SH3GL3: variants seen among roughly 807,000 people sequenced by gnomAD.
The protein encoded by SH3GL3 is endophilin-A3.
Under a neutral mutation model 47.7 loss-of-function variants are expected in SH3GL3, and 33 were observed. The observed-to-expected ratio is 0.69, with a 90% confidence interval of 0.52 to 0.92. SH3GL3 has a LOEUF of 0.92. Ranked by LOEUF, SH3GL3 falls within the 40% of genes least tolerant of loss-of-function variation. SH3GL3 has a pLI of 0.00. For missense variants in SH3GL3, 363 were observed against 417.8 expected (o/e 0.87, Z 1.14); for synonymous variants, 155 against 148.8 (o/e 1.04, Z -0.30).
At chr15:83,596,896 C>T (rs1192795158) in intron 8 of SH3GL3, among the ~76,000 whole-genome samples, 1 of 152,120 alleles carries the variant, frequency 6.6e-6, no homozygotes, top group Non-Finnish European at 1.5e-5. Flanking sequence ...GTCTTTTCCT[C>T]CTTGCTCTCT....
chr15:83,476,931 C>G lies in SH3GL3; in HGVS notation c.45+29353C>G, dbSNP rs150296685. 8.5e-5 allele frequency among the ~76,000 whole-genome samples: 13 copies of G among 152,324 alleles called. No homozygotes were observed. The East Asian group carries it at 2.5e-3, about 29-fold the overall frequency. ...TGTCTGAATATGCAGTTTGGTTGTG[C>G]ATTTTTGGAGGATCCCCAATGCTCA... On this transcript the variant is annotated intron_variant, in intron 1 of 8. Coordinates refer to ENST00000427482, the MANE Select transcript of SH3GL3 (RefSeq NM_003027.5).
chr15:83,526,764 G>A (rs2043437159), intron 1 of SH3GL3, among the ~76,000 whole-genome samples: 1 of 152,026 alleles, frequency 6.6e-6, no homozygotes, highest in African/African-American at 2.4e-5. Flanking sequence ...AAACCCCTGT[G>A]ACAGGAGTTT....
At chr15:83,509,518 C>G (rs997792371) in intron 1 of SH3GL3, among the ~76,000 whole-genome samples, 1 of 152,184 alleles carries the variant, frequency 6.6e-6, no homozygotes, top group African/African-American at 2.4e-5. Flanking sequence ...AAAGGAAGAA[C>G]TTCGTTTTCA....
intron 3 of SH3GL3, among the ~76,000 whole-genome samples, chr15:83,568,044 G>A (rs1248100309): frequency 1.3e-5 from 2 of 149,400 alleles, no homozygotes; most frequent in Non-Finnish European, 3.0e-5. Flanking sequence ...GTGCAATGGC[G>A]CGATCTTGGC....
At chr15:83,482,116 A>G (rs573408960) in intron 1 of SH3GL3, among the ~76,000 whole-genome samples, 1 of 152,268 alleles carries the variant, frequency 6.6e-6, no homozygotes, top group Admixed American at 6.5e-5. Flanking sequence ...AAAAATTTGT[A>G]TATATTGATT....
At chr15:83,501,051 A>C (rs2042275157) in intron 1 of SH3GL3, among the ~76,000 whole-genome samples, 1 of 152,194 alleles carries the variant, frequency 6.6e-6, no homozygotes, top group Admixed American at 6.5e-5. Flanking sequence ...TATGCTTTTA[A>C]TGACCTTTAG....
At chr15:83,596,129 C>T (rs1354024325) in intron 8 of SH3GL3, among the ~76,000 whole-genome samples, 3 of 152,102 alleles carry the variant, frequency 2.0e-5, no homozygotes, top group African/African-American at 7.2e-5. Flanking sequence ...CTCTTTAACT[C>T]TTGGTTTCTT....
rs966223841 is a variant in SH3GL3, at chr15:83,535,495, TC to T, written c.46-23755del. ...ATAAAGGTACATAACAGAATAAATCTCCCTAAAGGAAGAAAGGAAAAGATTA... is the reference window on the plus strand; with the variant it reads ...ATAAAGGTACATAACAGAATAAATCTCCTAAAGGAAGAAAGGAAAAGATTA... On this transcript the variant is annotated intron_variant, in intron 1 of 8. Coordinates refer to ENST00000427482, the MANE Select transcript of SH3GL3 (RefSeq NM_003027.5). Among the ~76,000 whole-genome samples the T allele has an allele frequency of 3.3e-5, 5 of 152,164 alleles. No individual in the cohort carries two copies. The East Asian group carries it at 5.8e-4, about 18-fold the overall frequency.
chr15:83,633,469 G>C, the SH3GL3 span, among the ~76,000 whole-genome samples: 1 of 152,144 alleles, frequency 6.6e-6, no homozygotes, highest in African/African-American at 2.4e-5. Flanking sequence ...AGAAGCTCCA[G>C]AGTAGAAACC....
At chr15:83,632,596 C>G in the SH3GL3 span, among the ~76,000 whole-genome samples, 4 of 152,198 alleles carry the variant, frequency 2.6e-5, no homozygotes, top group Non-Finnish European at 4.4e-5. Context: ...GAAGGGGAAG[C>G]AAACATGTCC....
At position 83,588,864 on chromosome 15, in the gene SH3GL3, C is replaced by T. The variant is rs1250533086; in HGVS notation, c.838+93C>T. The T allele has an allele frequency of 5.6e-6, 4 of 714,394 alleles. No homozygotes were observed. In the East Asian group the frequency reaches 1.0e-4, roughly 18 times the overall value. 44.3% of individuals were successfully genotyped at this position (714,394 alleles called of 1,614,324 possible). On this transcript the variant is annotated intron_variant, in intron 8 of 8. Coordinates refer to ENST00000427482, the MANE Select transcript of SH3GL3 (RefSeq NM_003027.5). Reference sequence around the variant, plus strand: ...GCTTGTTTCTGGGTCAGTGAATACACACAGACCCTGGATATCTTTCTTTGG... The same window carrying T: ...GCTTGTTTCTGGGTCAGTGAATACATACAGACCCTGGATATCTTTCTTTGG...
intron 8 of SH3GL3, among the ~76,000 whole-genome samples, chr15:83,615,912 T>G (rs2060799656): frequency 6.6e-6 from 1 of 152,084 alleles, no homozygotes; most frequent in Non-Finnish European, 1.5e-5. Flanking sequence ...TAGAATAAAA[T>G]TTAGTTGAGT....
chr15:83,607,057 G>A (rs949529219), intron 8 of SH3GL3, among the ~76,000 whole-genome samples: 1 of 152,110 alleles, frequency 6.6e-6, no homozygotes, highest in Admixed American at 6.6e-5. Flanking sequence ...CTCACTGCAG[G>A]GAATGGTTTT....
At chr15:83,462,173 A>C (rs2040332319) in intron 1 of SH3GL3, among the ~76,000 whole-genome samples, 1 of 152,244 alleles carries the variant, frequency 6.6e-6, no homozygotes, top group African/African-American at 2.4e-5. Flanking sequence ...GGCCACACAG[A>C]AAGTTCACCA....
chr15:83,459,236 A>G (rs1182268627), intron 1 of SH3GL3, among the ~76,000 whole-genome samples: 1 of 152,182 alleles, frequency 6.6e-6, no homozygotes, highest in African/African-American at 2.4e-5. Context: ...GATGGTGTCC[A>G]CCCAGATTGA....
chr15:83,510,473 T>A (rs1401940732), intron 1 of SH3GL3, among the ~76,000 whole-genome samples: 1 of 152,240 alleles, frequency 6.6e-6, no homozygotes, highest in Non-Finnish European at 1.5e-5. Flanking sequence ...TTGTTTATTA[T>A]GTAAAGACAT....
chr15:83,566,426 C>A (rs537945140), intron 3 of SH3GL3, among the ~76,000 whole-genome samples: 1 of 146,598 alleles, frequency 6.8e-6, no homozygotes, highest in South Asian at 2.2e-4. Context: ...AGAGTGAAGC[C>A]TTTGGGCTTG....
intron 1 of SH3GL3, among the ~76,000 whole-genome samples, chr15:83,477,205 C>A (rs891785833): frequency 6.6e-6 from 1 of 152,184 alleles, no homozygotes; most frequent in Non-Finnish European, 1.5e-5. Flanking sequence ...TGCAGGTTGT[C>A]TGGCATTTTG....
chr15:83,508,065 C>T (rs1204591188), intron 1 of SH3GL3, among the ~76,000 whole-genome samples: 6 of 151,908 alleles, frequency 3.9e-5, no homozygotes, highest in Admixed American at 2.0e-4. Flanking sequence ...CCTCAGCCTC[C>T]GGAGTAGCTG....
Sources: gnomAD v4.1 joint callset for allele counts (sites outside exome capture counted in the v4.1 genomes callset) on GRCh38, gnomAD v4.1.1 for gene constraint, MANE v1.5 for transcripts, NCBI Gene and HGNC (gene_info 2026-07-23, HGNC 2026-07-21) for gene names.